TAS2R1: variants seen among roughly 807,000 people sequenced by gnomAD.
TAS2R1 encodes the protein taste 2 receptor member 1, also known as taste receptor type 2 member 1.
For synonymous variants in TAS2R1, 141 were observed against 134.2 expected (o/e 1.05, Z -0.35); for missense variants, 370 against 353.4 (o/e 1.05, Z -0.38).
upstream of TAS2R1, among the ~76,000 whole-genome samples, chr5:9,632,014 A>C (rs920453421): frequency 2.0e-5 from 3 of 152,348 alleles, no homozygotes; most frequent in Admixed American, 6.5e-5. Flanking sequence ...AGAAAGAAGA[A>C]GAAACTTTGC....
the TAS2R1 span, among the ~76,000 whole-genome samples, chr5:9,812,959 G>A: frequency 1.3e-5 from 2 of 152,182 alleles, no homozygotes; most frequent in East Asian, 1.9e-4. Flanking sequence ...TGAGCAGAAG[G>A]AAGGGACACT....
the TAS2R1 span, among the ~76,000 whole-genome samples, chr5:9,896,524 G>A: frequency 5.3e-5 from 8 of 151,870 alleles, no homozygotes; most frequent in South Asian, 2.1e-4. Flanking sequence ...TCTAACCGCC[G>A]ACCCAAACCG....
the TAS2R1 span, among the ~76,000 whole-genome samples, chr5:9,902,054 C>T: frequency 2.6e-5 from 4 of 152,108 alleles, 1 homozygote; most frequent in South Asian, 2.1e-4. Flanking sequence ...TCAGATATCA[C>T]GGGCAAAGCA....
the TAS2R1 span, among the ~76,000 whole-genome samples, chr5:9,855,956 G>A: frequency 6.6e-6 from 1 of 151,514 alleles, no homozygotes; most frequent in East Asian, 1.9e-4. Flanking sequence ...TTTACAATGT[G>A]TTTTCTAGTT....
At chr5:9,699,712 G>A (rs1394331593) in intron 1 of TAS2R1, among the ~76,000 whole-genome samples, 2 of 152,176 alleles carry the variant, frequency 1.3e-5, no homozygotes, top group Non-Finnish European at 2.9e-5. Context: ...GTTGAAAGCT[G>A]ACTGTCCGTC....
At chr5:9,747,736 A>T in the TAS2R1 span, among the ~76,000 whole-genome samples, 2 of 152,184 alleles carry the variant, frequency 1.3e-5, no homozygotes, top group Non-Finnish European at 2.9e-5. Context: ...AGAAAGTAGG[A>T]AAAACAAGTG....
chr5:9,872,634 T>C, the TAS2R1 span, among the ~76,000 whole-genome samples: 1 of 152,234 alleles, frequency 6.6e-6, no homozygotes. Flanking sequence ...GATACATGAA[T>C]GTAAGTAAAT....
intron 2 of TAS2R1, among the ~76,000 whole-genome samples, chr5:9,642,992 C>T (rs889413005): frequency 6.6e-6 from 1 of 151,786 alleles, no homozygotes; most frequent in African/African-American, 2.4e-5. Flanking sequence ...TTTCCTCCCT[C>T]CTTCTTTCCT....
the TAS2R1 span, among the ~76,000 whole-genome samples, chr5:9,724,309 G>T: frequency 6.8e-6 from 1 of 146,078 alleles, no homozygotes; most frequent in Non-Finnish European, 1.5e-5. Context: ...ATCTTTATTT[G>T]GCCTTTTAAA....
At chr5:9,886,721 A>T in the TAS2R1 span, among the ~76,000 whole-genome samples, 1 of 152,158 alleles carries the variant, frequency 6.6e-6, no homozygotes, top group Non-Finnish European at 1.5e-5. Flanking sequence ...TTCAATGCGT[A>T]ATCAGAAAGT....
chr5:9,793,214 G>T, the TAS2R1 span, among the ~76,000 whole-genome samples: 1 of 152,172 alleles, frequency 6.6e-6, no homozygotes, highest in South Asian at 2.1e-4. Context: ...GTTCCTGGAG[G>T]GGGAGGAATT....
intron 2 of TAS2R1, among the ~76,000 whole-genome samples, chr5:9,646,566 T>C (rs1406923271): frequency 6.6e-6 from 1 of 152,164 alleles, no homozygotes; most frequent in Admixed American, 6.5e-5. Context: ...AATTTATTTT[T>C]CCTGCCCTTC....
chr5:9,845,540 T>C, the TAS2R1 span, among the ~76,000 whole-genome samples: 1 of 152,116 alleles, frequency 6.6e-6, no homozygotes. Context: ...AGTTGTCAAG[T>C]GTGAAAAAGA....
At chr5:9,794,595 T>A in the TAS2R1 span, among the ~76,000 whole-genome samples, 1 of 152,156 alleles carries the variant, frequency 6.6e-6, no homozygotes, top group Non-Finnish European at 1.5e-5. Flanking sequence ...TAAGAAAAAA[T>A]TAATTTTCAA....
chr5:9,876,378 T>C, the TAS2R1 span, among the ~76,000 whole-genome samples: 4 of 152,182 alleles, frequency 2.6e-5, no homozygotes, highest in East Asian at 7.7e-4. Context: ...TTCTTTATAG[T>C]GTCATTAAAA....
chr5:9,805,361 T>C, the TAS2R1 span, among the ~76,000 whole-genome samples: 6 of 152,024 alleles, frequency 3.9e-5, no homozygotes, highest in South Asian at 4.2e-4. Flanking sequence ...TTCCAAACAA[T>C]AGAGAAAGAG....
At chr5:9,823,756 A>G in the TAS2R1 span, among the ~76,000 whole-genome samples, 1 of 152,032 alleles carries the variant, frequency 6.6e-6, no homozygotes, top group Non-Finnish European at 1.5e-5. Context: ...GGAAAGAAAG[A>G]AAGGAAGATA....
rs1356011978 is a variant in TAS2R1 at position 9,671,237 on chromosome 5, A to T, written c.-241-11656T>A. Reference sequence around the variant, plus strand: ...TTCCCTTTGAAAACCAGAACAAGACAAGGATTTCAACTCTCACCGCTCCTA... The same window carrying T: ...TTCCCTTTGAAAACCAGAACAAGACTAGGATTTCAACTCTCACCGCTCCTA... On this transcript the variant is annotated intron_variant, in intron 1 of 2. Coordinates refer to the TAS2R1 transcript ENST00000506620. Among the ~76,000 whole-genome samples the T allele has an allele frequency of 2.6e-5, 4 of 152,184 alleles. No homozygotes were observed. The East Asian group carries it at 7.7e-4, about 29-fold the overall frequency.
At chr5:9,631,752 G>T (rs1739877198), upstream of TAS2R1, among the ~76,000 whole-genome samples, 1 of 152,222 alleles carries the variant, frequency 6.6e-6, no homozygotes, top group South Asian at 2.1e-4. Flanking sequence ...TAGAAAACTG[G>T]AAGGGAAGTC....
Sources: gnomAD v4.1 joint callset for allele counts (sites outside exome capture counted in the v4.1 genomes callset) on GRCh38, gnomAD v4.1.1 for gene constraint, MANE v1.5 for transcripts, NCBI Gene and HGNC (gene_info 2026-07-23, HGNC 2026-07-21) for gene names.